Variants in AGMO observed in about 807,000 individuals in gnomAD.
The protein encoded by AGMO is glyceryl-ether monooxygenase.
In AGMO, 75 loss-of-function variants were observed where a neutral mutation model predicts 60.2. That is an observed-to-expected ratio of 1.25 (90% CI 1.03 to 1.51). AGMO has a LOEUF of 1.51. Ranked by LOEUF, AGMO falls within the 40% of genes most tolerant of loss-of-function variation. The probability of loss-of-function intolerance (pLI) is 0.00; values close to 1 mark genes in which losing one functional copy is unlikely to be tolerated. For synonymous variants in AGMO, 261 were observed against 177.1 expected (o/e 1.47, Z -3.76); for missense variants, 763 against 525.5 (o/e 1.45, Z -4.42).
At chr7:15,482,171 T>C (rs1782772470) in intron 3 of AGMO, among the ~76,000 whole-genome samples, 1 of 148,450 alleles carries the variant, frequency 6.7e-6, no homozygotes, top group African/African-American at 2.5e-5. Flanking sequence ...ATTAAGAAAA[T>C]AAATAAAAAG....
chr7:15,242,638 G>A lies in AGMO; in HGVS notation c.1264-41279C>T, dbSNP rs1442336858. Among the ~76,000 whole-genome samples the A allele has an allele frequency of 2.0e-5, 3 of 152,208 alleles. No homozygotes were observed. In the East Asian group the frequency reaches 5.8e-4, roughly 29 times the overall value. On this transcript the variant is annotated intron_variant, in intron 12 of 12. Transcript: ENST00000342526. ...AAGTTAGAAACTACATCAGATAAAA[G>A]AGTTAAGCATTTCTAGGAGTAATCA...
Position 15,503,966 on chromosome 7 carries a change from T to C in AGMO, c.409+40806A>G, listed in dbSNP as rs535460469. The stretch of plus-strand genomic sequence containing the variant: ...TCAGGTTACAAAGGGAGACTGATTC[T>C]GCGTAATTCTGAAAATCATTATGTC... On this transcript the variant is annotated intron_variant, in intron 3 of 12. Transcript: ENST00000342526. Among the ~76,000 whole-genome samples, 10 of 152,154 alleles carry C rather than the reference T, an allele frequency of 6.6e-5. No homozygotes were observed. In the South Asian group the frequency reaches 2.1e-3, roughly 32 times the overall value.
At chr7:15,458,954 A>T (rs749299489) in intron 3 of AGMO, among the ~76,000 whole-genome samples, 5 of 152,158 alleles carry the variant, frequency 3.3e-5, no homozygotes, top group Non-Finnish European at 7.4e-5. Context: ...GAAGCATACA[A>T]AATTACCTTT....
chr7:15,209,197 TAA>T (rs1326100555), intron 12 of AGMO, among the ~76,000 whole-genome samples: 9 of 152,166 alleles, frequency 5.9e-5, no homozygotes, highest in African/African-American at 1.7e-4. Context: ...CTGACATAAA[TAA>T]AGAGTCTAAG....
intron 5 of AGMO, among the ~76,000 whole-genome samples, chr7:15,401,962 G>A (rs1185291955): frequency 6.6e-6 from 1 of 152,048 alleles, no homozygotes; most frequent in Admixed American, 6.6e-5. Context: ...ACAGCGTCAT[G>A]CATGAATGAT....
intron 12 of AGMO, among the ~76,000 whole-genome samples, chr7:15,280,892 TAG>T (rs1783945825): frequency 6.6e-6 from 1 of 152,174 alleles, no homozygotes; most frequent in Non-Finnish European, 1.5e-5. Flanking sequence ...CTAATGTAGA[TAG>T]AGTCTACATC....
At chr7:15,150,078 T>C in the AGMO span, among the ~76,000 whole-genome samples, 3 of 152,058 alleles carry the variant, frequency 2.0e-5, no homozygotes, top group African/African-American at 7.2e-5. Flanking sequence ...TGGGATTGCA[T>C]TCTTGATTTG....
intron 12 of AGMO, among the ~76,000 whole-genome samples, chr7:15,322,897 A>G (rs1781218717): frequency 6.9e-6 from 1 of 144,094 alleles, no homozygotes; most frequent in Non-Finnish European, 1.5e-5. Flanking sequence ...TTGATACAGG[A>G]AAAAATATAT....
At chr7:15,248,202 ATATATATATATATATATATAT>A (rs1157197304) in intron 12 of AGMO, among the ~76,000 whole-genome samples, 6 of 93,072 alleles carry the variant, frequency 6.4e-5, no homozygotes, top group Non-Finnish European at 1.1e-4. Context: ...ATATATATAT[ATATATATATATATATATATAT>A]ATCTTCATCT....
At chr7:15,283,514 C>A (rs1001644056) in intron 12 of AGMO, among the ~76,000 whole-genome samples, 3 of 151,862 alleles carry the variant, frequency 2.0e-5, no homozygotes, top group Admixed American at 6.6e-5. Context: ...ATAAAATGAT[C>A]AATTCAACAA....
chr7:15,145,694 T>C, the AGMO span, among the ~76,000 whole-genome samples: 1 of 152,182 alleles, frequency 6.6e-6, no homozygotes, highest in African/African-American at 2.4e-5. Context: ...AACTTCACAA[T>C]GTCAACCTCC....
At position 15,455,083 on chromosome 7, in the gene AGMO, A is replaced by T. The variant is rs111991030; in HGVS notation, c.410-23975T>A. ...CATTTTCTTTCTCTCTCTCTTTCTC[A>T]CACACACACACACACACACACACAC... is the stretch of plus-strand genomic sequence containing the variant. On this transcript the variant is annotated intron_variant, in intron 3 of 12. Transcript: ENST00000342526. Among the ~76,000 whole-genome samples, 12 of 17,560 alleles carry T rather than the reference A, an allele frequency of 6.8e-4. 1 individual carries two copies. In the South Asian group the frequency reaches 0.014, roughly 21 times the overall value. 11.5% of individuals were successfully genotyped at this position (17,560 alleles called of 152,430 possible).
At chr7:15,477,220 A>T (rs573849022) in intron 3 of AGMO, among the ~76,000 whole-genome samples, 1 of 152,236 alleles carries the variant, frequency 6.6e-6, no homozygotes, top group Admixed American at 6.5e-5. Flanking sequence ...TGAAACATTA[A>T]AATAAATATT....
the AGMO span, among the ~76,000 whole-genome samples, chr7:15,154,039 CAA>C: frequency 9.9e-5 from 15 of 152,010 alleles, no homozygotes; most frequent in Non-Finnish European, 1.6e-4. Context: ...ATCAATCAAA[CAA>C]GAGAAATAAA....
At chr7:15,432,982 T>C (rs985053079) in intron 3 of AGMO, among the ~76,000 whole-genome samples, 1 of 152,046 alleles carries the variant, frequency 6.6e-6, no homozygotes, top group Non-Finnish European at 1.5e-5. Flanking sequence ...ATAGAGATCC[T>C]GAAGTAATCT....
chr7:15,272,619 G>A (rs6461164), intron 12 of AGMO, among the ~76,000 whole-genome samples: 100,896 of 151,836 alleles, frequency 0.66, 34,056 homozygotes, highest in African/African-American at 0.77. Context: ...CAGCAGCATG[G>A]TTTATAATCC....
At chr7:15,409,631 A>T (rs889815999) in intron 5 of AGMO, among the ~76,000 whole-genome samples, 4 of 151,892 alleles carry the variant, frequency 2.6e-5, no homozygotes, top group Admixed American at 2.0e-4. Flanking sequence ...ATTCTTTACA[A>T]CCTGTAAAAC....
At chr7:15,554,600 T>A (rs1785072869) in intron 2 of AGMO, among the ~76,000 whole-genome samples, 1 of 152,130 alleles carries the variant, frequency 6.6e-6, no homozygotes, top group South Asian at 2.1e-4. Flanking sequence ...ACTAGTGAAC[T>A]GATTTTCTGT....
intron 3 of AGMO, among the ~76,000 whole-genome samples, chr7:15,498,384 T>A (rs1783291849): frequency 6.6e-6 from 1 of 152,008 alleles, no homozygotes; most frequent in South Asian, 2.1e-4. Flanking sequence ...TAATACCTTT[T>A]ATTGGAGATA....
Sources: allele counts gnomAD v4.1 joint callset (sites outside exome capture counted in the v4.1 genomes callset), GRCh38; gene constraint gnomAD v4.1.1; transcripts MANE v1.5; gene names NCBI Gene and HGNC (gene_info 2026-07-23, HGNC 2026-07-21).